TAOK3: variants seen among roughly 807,000 people sequenced by gnomAD.
The protein encoded by TAOK3 is TAO kinase 3, also known as serine/threonine-protein kinase TAO3.
Under a neutral mutation model 120.4 loss-of-function variants are expected in TAOK3, and 40 were observed. That is an observed-to-expected ratio of 0.33 (90% CI 0.26 to 0.43). The LOEUF (loss-of-function observed/expected upper bound fraction) is 0.43. TAOK3 is among the 20% of genes least tolerant of loss of function. TAOK3 has a pLI of 1.00. For missense variants in TAOK3, 821 were observed against 1,112.1 expected (o/e 0.74, Z 3.72); for synonymous variants, 355 against 387.5 (o/e 0.92, Z 0.99).
chr12:118,322,938 T>A (rs2043784538), intron 1 of TAOK3, among the ~76,000 whole-genome samples: 1 of 151,718 alleles, frequency 6.6e-6, no homozygotes, highest in Non-Finnish European at 1.5e-5. Context: ...TCTTGAACTC[T>A]TGACCTCAGA....
Position 118,255,552 on chromosome 12 carries a change from G to A in TAOK3, c.16C>T (p.Leu6=). 1 of 1,613,884 alleles carries A rather than the reference G, an allele frequency of 6.2e-7. No homozygotes were observed. The highest frequency in any genetic ancestry group is 1.7e-4 in the Middle Eastern group (1 of 6,060). Residue 6 remains leucine (L), a synonymous_variant, in exon 3 of 21, where the codon CTG becomes TTG. Transcript: ENST00000392533. MRKGV[L]KDPEIADLFY... Reference sequence around the variant, plus strand: ...AGATCGGCAATCTCTGGGTCCTTCAGCACCCCTTTACGCATGATGGCCAGT... The same window carrying A: ...AGATCGGCAATCTCTGGGTCCTTCAACACCCCTTTACGCATGATGGCCAGT...
intron 11 of TAOK3, among the ~76,000 whole-genome samples, chr12:118,202,410 AT>A (rs1409313176): frequency 2.0e-5 from 3 of 152,044 alleles, no homozygotes; most frequent in Non-Finnish European, 4.4e-5. Flanking sequence ...ACAAATTAAC[AT>A]TTTGTTTTTT....
intron 1 of TAOK3, among the ~76,000 whole-genome samples, chr12:118,367,051 G>A (rs2045758895): frequency 6.6e-6 from 1 of 152,164 alleles, no homozygotes. Flanking sequence ...GAGTAAGGCT[G>A]TCTCGAAAAC....
Position 118,368,679 on chromosome 12 carries a change from G to A in TAOK3, c.-194+3969C>T, listed in dbSNP as rs573820291. Among the ~76,000 whole-genome samples the A allele has an allele frequency of 6.6e-5, 10 of 150,752 alleles. No homozygotes were observed. In the South Asian group the frequency reaches 1.2e-3, roughly 19 times the overall value. On this transcript the variant is annotated intron_variant, in intron 1 of 20. Transcript: ENST00000392533. ...ACATTAGCCGGGTGTGGTGGCGCAC[G>A]CCTGTAATCCCAGCTACCCGGGAGG...
At chr12:118,289,087 G>T (rs2042374483) in intron 1 of TAOK3, among the ~76,000 whole-genome samples, 1 of 151,646 alleles carries the variant, frequency 6.6e-6, no homozygotes, top group Non-Finnish European at 1.5e-5. Flanking sequence ...ATCACTTGAG[G>T]TCAGGAGTTC....
chr12:118,167,830 G>A (rs977545052), intron 17 of TAOK3, among the ~76,000 whole-genome samples: 18 of 152,100 alleles, frequency 1.2e-4, no homozygotes, highest in Non-Finnish European at 1.5e-5. Context: ...GGTTGGAGGA[G>A]GTACACTGAA....
At chr12:118,293,611 T>A (rs531628261) in intron 1 of TAOK3, among the ~76,000 whole-genome samples, 1 of 147,142 alleles carries the variant, frequency 6.8e-6, no homozygotes, top group African/African-American at 2.5e-5. Context: ...GAGGCAGAGG[T>A]TGCAGTGAGC....
intron 16 of TAOK3, among the ~76,000 whole-genome samples, chr12:118,175,691 G>A (rs985945244): frequency 3.3e-5 from 5 of 152,010 alleles, no homozygotes; most frequent in African/African-American, 9.7e-5. Context: ...AAAACAATGC[G>A]CCATATTGAA....
intron 1 of TAOK3, among the ~76,000 whole-genome samples, chr12:118,344,665 G>A (rs2044776318): frequency 6.6e-6 from 1 of 151,746 alleles, no homozygotes; most frequent in South Asian, 2.1e-4. Context: ...GAAAAATTTT[G>A]CAGAAGTAAA....
chr12:118,248,382 T>A (rs541656979), intron 3 of TAOK3, among the ~76,000 whole-genome samples: 1 of 152,106 alleles, frequency 6.6e-6, no homozygotes, highest in African/African-American at 2.4e-5. Flanking sequence ...ATGACTTTTG[T>A]TAAAAACAAA....
At chr12:118,344,018 A>C (rs1016695454) in intron 1 of TAOK3, among the ~76,000 whole-genome samples, 3 of 151,762 alleles carry the variant, frequency 2.0e-5, no homozygotes, top group African/African-American at 7.3e-5. Context: ...TAAAAAAAAA[A>C]AAAATCCACT....
chr12:118,262,782 G>A (rs1394159401), intron 2 of TAOK3, among the ~76,000 whole-genome samples: 3 of 148,264 alleles, frequency 2.0e-5, no homozygotes, highest in African/African-American at 7.6e-5. Flanking sequence ...AGCTGAGATC[G>A]TGTCACTGCA....
intron 19 of TAOK3, among the ~76,000 whole-genome samples, chr12:118,157,827 G>A (rs1020677412): frequency 5.9e-5 from 9 of 151,978 alleles, no homozygotes; most frequent in African/African-American, 1.2e-4. Context: ...TCCCATCCTC[G>A]GCCTAAGAAC....
intron 1 of TAOK3, among the ~76,000 whole-genome samples, chr12:118,269,086 C>G (rs2041585647): frequency 1.3e-5 from 2 of 149,772 alleles, no homozygotes; most frequent in African/African-American, 5.1e-5. Context: ...TCTTACAAAT[C>G]AGGAAACATT....
At chr12:118,302,517 G>GTC (rs1046108245) in intron 1 of TAOK3, among the ~76,000 whole-genome samples, 27 of 152,302 alleles carry the variant, frequency 1.8e-4, no homozygotes, top group African/African-American at 6.5e-4. Context: ...GAATAGCAGG[G>GTC]TCAGGTACAA....
intron 4 of TAOK3, among the ~76,000 whole-genome samples, chr12:118,244,153 C>T (rs1046315010): frequency 6.6e-6 from 1 of 152,180 alleles, no homozygotes. Flanking sequence ...GCCTCCACAT[C>T]CCAGGCTCAA....
At chr12:118,301,067 C>A (rs1566086069) in intron 1 of TAOK3, among the ~76,000 whole-genome samples, 1 of 152,066 alleles carries the variant, frequency 6.6e-6, no homozygotes, top group Non-Finnish European at 1.5e-5. Context: ...TGAGCCACTG[C>A]ATCCTGCCTA....
chr12:118,199,407 A>C (rs1405619161), intron 12 of TAOK3, 150 bp from the exon 13 acceptor site: 2 of 638,254 alleles, frequency 3.1e-6, no homozygotes, highest in East Asian at 5.5e-5. Flanking sequence ...TGGCTCCACT[A>C]CTCCTCCACC....
chr12:118,252,982 T>C (rs934463373), intron 3 of TAOK3, among the ~76,000 whole-genome samples: 29 of 152,192 alleles, frequency 1.9e-4, no homozygotes, highest in African/African-American at 6.8e-4. Context: ...TGCCTCAGCC[T>C]CCTAAAGTGC....
Sources: allele counts gnomAD v4.1 joint callset (sites outside exome capture counted in the v4.1 genomes callset), GRCh38; gene constraint gnomAD v4.1.1; transcripts MANE v1.5; gene names NCBI Gene and HGNC (gene_info 2026-07-23, HGNC 2026-07-21).